The following NELL1 variants were observed in gnomAD, a reference collection of about 807,000 sequenced individuals.
The protein encoded by NELL1 is neural EGFL like 1.
Under a neutral mutation model 107.4 loss-of-function variants are expected in NELL1, and 76 were observed. The observed-to-expected ratio is 0.71, with a 90% CI of 0.59 to 0.86. The LOEUF is 0.86. Among genes scored for constraint, NELL1 ranks in the 40% least tolerant of loss-of-function variants. NELL1 has a pLI of 0.00. For missense variants in NELL1, 1,024 were observed against 1,005.5 expected, an observed-to-expected ratio of 1.02 and a Z score of -0.25; for synonymous variants, 353 against 341.2, an observed-to-expected ratio of 1.03 and a Z score of -0.38.
chr11:21,348,778 T>C (rs1044055912), intron 14 of NELL1, among the ~76,000 whole-genome samples: 2 of 152,094 alleles, frequency 1.3e-5, no homozygotes. Flanking sequence ...GAAGGCTGAA[T>C]TGATAAATGG....
At chr11:20,898,934 T>A (rs1849811664) in intron 5 of NELL1, among the ~76,000 whole-genome samples, 1 of 152,082 alleles carries the variant, frequency 6.6e-6, no homozygotes, top group South Asian at 2.1e-4. Flanking sequence ...CAATATGTAC[T>A]TTTATGATTT....
In NELL1 at chr11:21,270,372, T is replaced by A. The variant is rs566647949; in HGVS notation, c.1549+40918T>A. On this transcript the variant is annotated intron_variant, in intron 14 of 19. Coordinates refer to ENST00000357134, the MANE Select transcript of NELL1 (RefSeq NM_006157.5). ...ATATCATGCTAATACTAAAATGAAA[T>A]CAGAATAGCTATATTAATTTCTGAC... Among the ~76,000 whole-genome samples the A allele has an allele frequency of 9.9e-5, 15 of 152,102 alleles. No homozygotes were observed. The East Asian group carries it at 2.9e-3, about 29-fold the overall frequency.
chr11:20,855,322 G>A (rs779549764), intron 4 of NELL1, among the ~76,000 whole-genome samples: 19 of 152,056 alleles, frequency 1.2e-4, no homozygotes, highest in Non-Finnish European at 2.6e-4. Flanking sequence ...GCACTCCTGG[G>A]CTTTCAAGTT....
chr11:21,481,546 G>A (rs1456587059), intron 15 of NELL1, among the ~76,000 whole-genome samples: 3 of 152,182 alleles, frequency 2.0e-5, no homozygotes, highest in Non-Finnish European at 2.9e-5. Context: ...TATTTCCTAA[G>A]AGCACAAGTA....
chr11:20,740,231 C>A (rs1209196640), intron 2 of NELL1, among the ~76,000 whole-genome samples: 1 of 152,154 alleles, frequency 6.6e-6, no homozygotes, highest in East Asian at 1.9e-4. Flanking sequence ...AGAACTGGTC[C>A]TGGCTACCTG....
chr11:21,569,046 C>T (rs1464122114), intron 17 of NELL1, among the ~76,000 whole-genome samples: 3 of 151,690 alleles, frequency 2.0e-5, no homozygotes, highest in East Asian at 3.9e-4. Flanking sequence ...CTTGTTTATA[C>T]AGGCATCATT....
chr11:21,525,962 T>G (rs1370127945), intron 15 of NELL1, among the ~76,000 whole-genome samples: 1 of 152,170 alleles, frequency 6.6e-6, no homozygotes, highest in East Asian at 1.9e-4. Flanking sequence ...TTCTCACATT[T>G]CAAAACCAAT....
At position 21,336,674 on chromosome 11, in the gene NELL1, TAC is replaced by T. The variant is rs1555005791; in HGVS notation, c.1550-34163_1550-34162del. ...GTGTATATATATATATATATATATA[TAC>T]ACACACACACACACATTAAACAGAA... On this transcript the variant is annotated intron_variant, in intron 14 of 19. Coordinates refer to ENST00000357134, the MANE Select transcript of NELL1 (RefSeq NM_006157.5). Among the ~76,000 whole-genome samples, 1,082 of 130,522 alleles carry T rather than the reference TAC, an allele frequency of 8.3e-3. 8 individuals are homozygous for T. The highest frequency in any genetic ancestry group is 0.029 in the South Asian group (117 of 3,990). The allele number at this position is 130,522 out of a possible 152,430, so 85.6% of individuals were successfully genotyped here.
intron 5 of NELL1, among the ~76,000 whole-genome samples, chr11:20,914,550 CTT>C (rs946742544): frequency 6.6e-6 from 1 of 152,052 alleles, no homozygotes; most frequent in African/African-American, 2.4e-5. Flanking sequence ...TATCATTAGA[CTT>C]AAGGTCTGTG....
intron 12 of NELL1, among the ~76,000 whole-genome samples, chr11:21,020,554 C>T (rs1565018440): frequency 1.3e-5 from 2 of 151,802 alleles, no homozygotes; most frequent in Non-Finnish European, 2.9e-5. Flanking sequence ...CAAAGCAGAT[C>T]AGGAAAAGTT....
intron 2 of NELL1, among the ~76,000 whole-genome samples, chr11:20,762,538 C>T (rs777973935): frequency 7.2e-5 from 11 of 152,186 alleles, no homozygotes; most frequent in Non-Finnish European, 1.2e-4. Flanking sequence ...TAAATCTCCC[C>T]GATAATTCAT....
At chr11:20,699,640 G>A (rs1854720255) in intron 2 of NELL1, among the ~76,000 whole-genome samples, 1 of 152,182 alleles carries the variant, frequency 6.6e-6, no homozygotes, top group Admixed American at 6.5e-5. Flanking sequence ...TTACAGGCGT[G>A]AGCCACTGTG....
chr11:20,756,805 G>A (rs1372891004), intron 2 of NELL1, among the ~76,000 whole-genome samples: 1 of 152,128 alleles, frequency 6.6e-6, no homozygotes, highest in Non-Finnish European at 1.5e-5. Flanking sequence ...GAGAGAGGGG[G>A]GAAATGCCTC....
chr11:20,965,218 A>G (rs1851365727), intron 12 of NELL1, among the ~76,000 whole-genome samples: 1 of 152,176 alleles, frequency 6.6e-6, no homozygotes, highest in Non-Finnish European at 1.5e-5. Context: ...GTTATAAAGC[A>G]ATGTTTTGTC....
intron 11 of NELL1, among the ~76,000 whole-genome samples, chr11:20,950,970 A>G (rs796645274): frequency 7.2e-5 from 11 of 152,354 alleles, no homozygotes; most frequent in African/African-American, 2.2e-4. Flanking sequence ...TTAGTCTGAG[A>G]GAAATTACCC....
At position 20,783,689 on chromosome 11, in the gene NELL1, G is replaced by A. The variant is rs1186410618; in HGVS notation, c.194G>A (p.Arg65Lys). The change falls in exon 3 of 20, where the codon AGA (arginine) becomes AAA (lysine). Residue 65 changes from arginine to lysine, a missense_variant. Physicochemically the swap from Arg to Lys is conservative, Grantham distance 26. Transcript: ENST00000357134. ...TCTTCTTGATTCCTAGACATAGAAA[G>A]AGAGATCCATGCAGCTCCTCATGTG... ...SKAFLFQDIE[R>K]EIHAAPHVSE... The A allele has an allele frequency of 6.2e-7, 1 of 1,612,756 alleles. No individual in the cohort carries two copies. The highest frequency in any genetic ancestry group is 1.3e-5 in the African/African-American group (1 of 74,894).
chr11:21,072,947 A>G (rs1854050476), intron 12 of NELL1, among the ~76,000 whole-genome samples: 1 of 152,160 alleles, frequency 6.6e-6, no homozygotes. Context: ...CACAACACGC[A>G]GAAATGTGTC....
intron 12 of NELL1, among the ~76,000 whole-genome samples, chr11:20,997,426 T>C (rs532342029): frequency 6.6e-6 from 1 of 152,326 alleles, no homozygotes; most frequent in South Asian, 2.1e-4. Context: ...AGAATGATGC[T>C]AAATGTAGCA....
At chr11:20,797,154 C>T (rs1857185579) in intron 3 of NELL1, among the ~76,000 whole-genome samples, 1 of 152,046 alleles carries the variant, frequency 6.6e-6, no homozygotes, top group Admixed American at 6.5e-5. Flanking sequence ...GCATTGGGAG[C>T]CATGGAAAGG....
Sources: allele counts gnomAD v4.1 joint callset (sites outside exome capture counted in the v4.1 genomes callset), GRCh38; gene constraint gnomAD v4.1.1; transcripts MANE v1.5; gene names NCBI Gene and HGNC (gene_info 2026-07-23, HGNC 2026-07-21).